Variants in SIPA1L1 observed in about 807,000 individuals in gnomAD.
SIPA1L1 encodes the protein signal induced proliferation associated 1 like 1.
SIPA1L1 carries 26 observed loss-of-function variants against 162.7 expected under a neutral mutation model. The observed-to-expected ratio is 0.16, with a 90% CI of 0.12 to 0.22. The LOEUF (loss-of-function observed/expected upper bound fraction) is 0.22. Ranked by LOEUF, SIPA1L1 falls within the 10% of genes least tolerant of loss-of-function variation. The pLI is 1.00. For missense variants in SIPA1L1, 1,874 were observed against 2,241.0 expected (o/e 0.84, Z 3.31); for synonymous variants, 829 against 837.4 (o/e 0.99, Z 0.17).
chr14:71,449,744 A>G (rs1344071224), intron 2 of SIPA1L1, among the ~76,000 whole-genome samples: 1 of 152,214 alleles, frequency 6.6e-6, no homozygotes, highest in Non-Finnish European at 1.5e-5. Flanking sequence ...TCAGTTAAGC[A>G]TGATTTATTA....
At chr14:71,721,111 A>G (rs988450631) in intron 17 of SIPA1L1, among the ~76,000 whole-genome samples, 9 of 152,158 alleles carry the variant, frequency 5.9e-5, no homozygotes, top group African/African-American at 9.7e-5. Context: ...CGTGTATTCA[A>G]ATGGGACTGT....
At position 71,382,156 on chromosome 14, in the gene SIPA1L1, T is replaced by G. The variant is rs1366692835; in HGVS notation, c.-465+60975T>G. On this transcript the variant is annotated intron_variant, in intron 2 of 23. Coordinates refer to ENST00000381232, the MANE Select transcript of SIPA1L1 (RefSeq NM_001386936.1). ...TTAATCAAGTAATACTTAGCAATAATTATGCTGTCTAGTTAGAATAGTGTT... is the reference window on the plus strand; with the variant it reads ...TTAATCAAGTAATACTTAGCAATAAGTATGCTGTCTAGTTAGAATAGTGTT... Among the ~76,000 whole-genome samples, 4 of 152,338 alleles carry G rather than the reference T, an allele frequency of 2.6e-5. No individual in the cohort carries two copies. In the South Asian group the frequency reaches 6.2e-4, roughly 24 times the overall value.
At chr14:71,381,515 A>G (rs2039902184) in intron 2 of SIPA1L1, among the ~76,000 whole-genome samples, 1 of 152,204 alleles carries the variant, frequency 6.6e-6, no homozygotes, top group South Asian at 2.1e-4. Flanking sequence ...AAAAATGGAA[A>G]ATAGAGTTAT....
Position 71,703,996 on chromosome 14 carries a change from A to G in SIPA1L1, c.3647-1226A>G, listed in dbSNP as rs181217132. Among the ~76,000 whole-genome samples, 218 of 152,310 alleles carry G rather than the reference A, an allele frequency of 1.4e-3. 3 individuals carry two copies. The highest frequency in any genetic ancestry group is 2.8e-4 in the Non-Finnish European group (19 of 68,026). On this transcript the variant is annotated intron_variant, in intron 15 of 23. Transcript: ENST00000381232. The stretch of plus-strand genomic sequence containing the variant: ...TATTTGCTCATCTTTTTTGTAAGGT[A>G]TACTTTTTTTAAAATAAGATACCCC...
rs141456488 is a variant in SIPA1L1 at position 71,489,408 on chromosome 14, C to T, written c.-464-23335C>T. ...ATTCGTGAGAAGATGAGAGATTATTCGTTATAGAATTGAGTATGGTTTCTC... is the reference window on the plus strand; with the variant it reads ...ATTCGTGAGAAGATGAGAGATTATTTGTTATAGAATTGAGTATGGTTTCTC... On this transcript the variant is annotated intron_variant, in intron 2 of 23. Coordinates refer to ENST00000381232, the MANE Select transcript of SIPA1L1 (RefSeq NM_001386936.1). 5.3e-5 allele frequency among the ~76,000 whole-genome samples: 8 copies of T among 152,134 alleles called. No individual in the cohort carries two copies. In the South Asian group the frequency reaches 1.2e-3, roughly 24 times the overall value.
rs568123585 is a variant in SIPA1L1 at position 71,374,684 on chromosome 14, C to T, written c.-465+53503C>T. The stretch of plus-strand genomic sequence containing the variant: ...TTCCTGCTTCTCTCTCTGAGGCAAC[C>T]GTTTTGAAAGTTTTTTTTTTTTTTT... On this transcript the variant is annotated intron_variant, in intron 2 of 23. Transcript: ENST00000381232. Among the ~76,000 whole-genome samples the T allele has an allele frequency of 3.6e-5, 5 of 137,276 alleles. No individual in the cohort carries two copies. The South Asian group carries it at 1.1e-3, about 31-fold the overall frequency. The allele number at this position is 137,276 out of a possible 152,430, so 90.1% of individuals were successfully genotyped here. A position where few individuals can be genotyped will look rare whatever the true frequency, so the allele number is the denominator to read the frequency against.
chr14:71,405,846 T>C (rs199741417), intron 2 of SIPA1L1, among the ~76,000 whole-genome samples: 1 of 152,218 alleles, frequency 6.6e-6, no homozygotes, highest in Admixed American at 6.5e-5. Context: ...TTATCTCACA[T>C]GTAGGGCAGA....
intron 2 of SIPA1L1, among the ~76,000 whole-genome samples, chr14:71,442,722 C>CT (rs1282236248): frequency 6.6e-6 from 1 of 151,912 alleles, no homozygotes; most frequent in Non-Finnish European, 1.5e-5. Context: ...AAGCTTAGGA[C>CT]TTTGAGACCA....
At chr14:71,553,735 G>C (rs965444919) in intron 4 of SIPA1L1, among the ~76,000 whole-genome samples, 5 of 152,102 alleles carry the variant, frequency 3.3e-5, no homozygotes, top group Non-Finnish European at 7.4e-5. Flanking sequence ...TATTGTTTAG[G>C]TAGGGCTACT....
intron 17 of SIPA1L1, among the ~76,000 whole-genome samples, chr14:71,718,727 A>C (rs373220012): frequency 6.6e-6 from 1 of 152,332 alleles, no homozygotes; most frequent in East Asian, 1.9e-4. Context: ...AAATAGAATC[A>C]TACTATCTGC....
intron 4 of SIPA1L1, among the ~76,000 whole-genome samples, chr14:71,568,359 G>C (rs1205297022): frequency 1.3e-5 from 2 of 152,190 alleles, no homozygotes; most frequent in Non-Finnish European, 2.9e-5. Flanking sequence ...TTGCCAAACT[G>C]TTAGGGTGTC....
intron 5 of SIPA1L1, among the ~76,000 whole-genome samples, chr14:71,601,944 C>G (rs117920896): frequency 0.012 from 1,796 of 150,302 alleles, 13 homozygotes; most frequent in Middle Eastern, 0.021. Context: ...TTTTGGTCTT[C>G]TCCCTTTTTT....
chr14:71,411,229 AAG>A (rs2042382136), intron 2 of SIPA1L1, among the ~76,000 whole-genome samples: 1 of 152,056 alleles, frequency 6.6e-6, no homozygotes, highest in Non-Finnish European at 1.5e-5. Flanking sequence ...TTTTGCTGCT[AAG>A]AGAGGGAAAA....
intron 2 of SIPA1L1, among the ~76,000 whole-genome samples, chr14:71,416,940 A>C (rs2042813172): frequency 6.6e-6 from 1 of 152,082 alleles, no homozygotes; most frequent in African/African-American, 2.4e-5. Context: ...AAATAGAAAC[A>C]TGGTCTCACT....
chr14:71,390,617 A>G (rs1850945992), intron 2 of SIPA1L1, among the ~76,000 whole-genome samples: 1 of 152,056 alleles, frequency 6.6e-6, no homozygotes, highest in South Asian at 2.1e-4. Context: ...GTCTCTACCA[A>G]AAAAAGAAGA....
rs553626473 is a variant in SIPA1L1, at chr14:71,674,943, A to G, written c.3104+2321A>G. 3.5e-4 allele frequency among the ~76,000 whole-genome samples: 54 copies of G among 152,326 alleles called. 1 individual carries two copies. The highest frequency in any genetic ancestry group is 9.9e-4 in the African/African-American group (41 of 41,562). ...ATCTGACAAATTTAGGTCTAACATC[A>G]GAGTCCAGGCTCTGAACTGCCACGT... On this transcript the variant is annotated intron_variant, in intron 12 of 23. Transcript: ENST00000381232.
At chr14:71,721,768 G>T (rs2083759093) in intron 17 of SIPA1L1, among the ~76,000 whole-genome samples, 1 of 152,132 alleles carries the variant, frequency 6.6e-6, no homozygotes, top group African/African-American at 2.4e-5. Flanking sequence ...CACCATGGCT[G>T]GTGTCACATG....
At chr14:71,330,722 C>T in intron 2 of SIPA1L1, 3 of 866,812 alleles carry the variant, frequency 3.5e-6, no homozygotes, top group Non-Finnish European at 2.0e-6. Context: ...GGCAGGAAAA[C>T]CACCGGGTAG....
intron 2 of SIPA1L1, among the ~76,000 whole-genome samples, chr14:71,422,504 G>A (rs140640650): frequency 1.4e-3 from 209 of 152,178 alleles, no homozygotes; most frequent in Non-Finnish European, 2.5e-3. Flanking sequence ...AGGCCCTGAT[G>A]TCCATCATTC....
Sources: allele counts gnomAD v4.1 joint callset (sites outside exome capture counted in the v4.1 genomes callset), GRCh38; gene constraint gnomAD v4.1.1; transcripts MANE v1.5; gene names NCBI Gene and HGNC (gene_info 2026-07-23, HGNC 2026-07-21).